Variants in ZC3H4 observed in about 807,000 individuals in gnomAD.
ZC3H4 encodes zinc finger CCCH domain-containing protein 4.
ZC3H4 carries 13 observed loss-of-function variants against 108.3 expected under a neutral mutation model. That is an observed-to-expected ratio of 0.12 (90% CI 0.08 to 0.19). ZC3H4 has a LOEUF of 0.19. Among genes scored for constraint, ZC3H4 ranks in the 10% least tolerant of loss-of-function variants. ZC3H4 has a pLI of 1.00. For synonymous variants in ZC3H4, 917 were observed against 749.6 expected (o/e 1.22, Z -3.65); for missense variants, 1,734 against 1,838.8 (o/e 0.94, Z 1.04).
At chr19:47,106,788 C>A (rs933159497) in intron 2 of ZC3H4, among the ~76,000 whole-genome samples, 2 of 152,172 alleles carry the variant, frequency 1.3e-5, no homozygotes, top group Admixed American at 1.3e-4. Context: ...CTCTTGGGCT[C>A]CAAGAAAAGC....
At chr19:47,100,768 G>A (rs774589651) in intron 2 of ZC3H4, among the ~76,000 whole-genome samples, 1 of 151,890 alleles carries the variant, frequency 6.6e-6, no homozygotes. Flanking sequence ...GCGTGATTTC[G>A]GCTCACTGCA....
chr19:47,084,997 GA>G, intron 8 of ZC3H4, 58 bp downstream of exon 8: 6 of 1,600,848 alleles, frequency 3.7e-6, no homozygotes, highest in African/African-American at 1.3e-5. Context: ...TCATTAAAGG[GA>G]AAAAGGACTA....
rs1335132824 is a variant in ZC3H4 at position 47,085,376 on chromosome 19, A to G, written c.909T>C (p.Tyr303=). The G allele has an allele frequency of 2.5e-6, 4 of 1,601,648 alleles. No individual in the cohort carries two copies. In the African/African-American group the frequency reaches 4.0e-5, roughly 16 times the overall value. The stretch of plus-strand genomic sequence containing the variant: ...GGTTCAGCTCCTTGGAGTACTCGTC[A>G]TAGTCGTCGTCTCCCATTGGCTCCT... ...ESEEPMGDDD[Y]DEYSKELNQY... Residue 303 remains tyrosine (Y), a synonymous_variant, in exon 7 of 15, where the codon TAT becomes TAC. Transcript: ENST00000253048.
rs2057781120 is a variant in ZC3H4 at position 47,094,024 on chromosome 19, G to A, written c.438C>T (p.Ser146=). The A allele has an allele frequency of 6.2e-7, 1 of 1,614,044 alleles. No individual in the cohort carries two copies. Among genetic ancestry groups the A allele is most frequent in the Non-Finnish European group, 8.5e-7 (1 of 1,180,032 alleles). ...ACTTGCGGTGACCTTTCTCACTGGGGCTGAAATCCGAGTCATCTGAGAAGT... is the reference window on the plus strand; with the variant it reads ...ACTTGCGGTGACCTTTCTCACTGGGACTGAAATCCGAGTCATCTGAGAAGT... The part of the protein sequence containing the change: ...FSDFSDDSDF[S]PSEKGHRKYR... Residue 146 remains serine, a synonymous_variant, in exon 4 of 15, where the codon AGC becomes AGT. Coordinates refer to ENST00000253048, the MANE Select transcript of ZC3H4 (RefSeq NM_015168.2).
intron 2 of ZC3H4, chr19:47,110,888 A>G (rs2058030280): frequency 2.0e-6 from 2 of 984,850 alleles, no homozygotes; most frequent in Non-Finnish European, 2.4e-6. Flanking sequence ...ATGTTGTAAA[A>G]GCTCACCAAA....
Position 47,092,422 on chromosome 19 carries a change from C to G in ZC3H4, c.492+1548G>C, listed in dbSNP as rs116130111. Among the ~76,000 whole-genome samples the G allele has an allele frequency of 2.9e-3, 440 of 152,330 alleles. 2 individuals are homozygous for G. The highest frequency in any genetic ancestry group is 0.01 in the African/African-American group (422 of 41,576). On this transcript the variant is annotated intron_variant, in intron 4 of 14. Transcript: ENST00000253048. ...GAAGGCCAAACCTACACCAGTAGAT[C>G]AATCTCAACTATGGTATTGGACAAT...
In ZC3H4 at chr19:47,104,567, A is replaced by G. The variant is rs185606236; in HGVS notation, c.161+7857T>C. Among the ~76,000 whole-genome samples, 241 of 152,338 alleles carry G rather than the reference A, an allele frequency of 1.6e-3. 2 individuals carry two copies. The highest frequency in any genetic ancestry group is 5.3e-3 in the African/African-American group (221 of 41,560). Reference sequence around the variant, plus strand: ...TAGAAACAGTAACTAATTTCCAAGAAAACTTTTTCAGCAACCTGTATCACT... The same window carrying G: ...TAGAAACAGTAACTAATTTCCAAGAGAACTTTTTCAGCAACCTGTATCACT... On this transcript the variant is annotated intron_variant, in intron 2 of 14. Coordinates refer to ENST00000253048, the MANE Select transcript of ZC3H4 (RefSeq NM_015168.2).
In ZC3H4 at chr19:47,064,733, AAAAAAAAAAGAC is replaced by A. The variant is rs1333402929; in HGVS notation, c.*1611_*1622del. 1 of 151,496 alleles carries A rather than the reference AAAAAAAAAAGAC, an allele frequency of 6.6e-6. No homozygotes were observed. The highest frequency in any genetic ancestry group is 2.4e-5 in the African/African-American group (1 of 41,214). 9.4% of individuals were successfully genotyped at this position (151,496 alleles called of 1,614,324 possible). A position where few individuals can be genotyped will look rare whatever the true frequency, so the allele number is the denominator to read the frequency against. ...ATTAATGATTGTGTAAAAAAAAAAAAAAAAAAAAAGACAAAAAGACAAACCAACCAACCAGAT... is the reference window on the plus strand; with the variant it reads ...ATTAATGATTGTGTAAAAAAAAAAAAAAAAAGACAAACCAACCAACCAGAT... On this transcript the variant is annotated 3_prime_UTR_variant, in exon 15 of 15. Transcript: ENST00000253048.
chr19:47,078,992 A>G (rs1600024529), intron 11 of ZC3H4, among the ~76,000 whole-genome samples: 1 of 148,298 alleles, frequency 6.7e-6, no homozygotes, highest in Admixed American at 6.7e-5. Context: ...GCGCCATTGC[A>G]CTCCAGCCTG....
intron 1 of ZC3H4, 39 bp from the exon 2 acceptor site, chr19:47,112,628 T>C: frequency 8.2e-7 from 1 of 1,215,830 alleles, no homozygotes; most frequent in Non-Finnish European, 1.0e-6. Flanking sequence ...GAAAAAGGAC[T>C]GCTTGGGCGT....
chr19:47,099,416 G>A (rs988270766), intron 2 of ZC3H4, among the ~76,000 whole-genome samples: 4 of 150,668 alleles, frequency 2.7e-5, no homozygotes, highest in Admixed American at 6.6e-5. Flanking sequence ...CCAAGATCAC[G>A]CCACTACACT....
intron 5 of ZC3H4, among the ~76,000 whole-genome samples, chr19:47,087,200 C>T (rs775248748): frequency 4.6e-5 from 7 of 151,378 alleles, no homozygotes; most frequent in Admixed American, 6.6e-5. Flanking sequence ...TGCTTGAACC[C>T]GGGAGGCAGA....
In ZC3H4 at chr19:47,067,061, A is replaced by G; in HGVS notation, c.3207T>C (p.Ser1069=). The stretch of plus-strand genomic sequence containing the variant: ...TGGGGGCCTTCCGCACCCGGGGGTC[A>G]CTGGGTTTGTCGCTGGAACCGGGGG... ...SAAPGSSDKP[S]DPRVRKAPTD... Residue 1069 remains serine, a synonymous_variant, in exon 15 of 15, where the codon AGT becomes AGC. Transcript: ENST00000253048. The surrounding 1 kb of genome is among the most constrained non-coding windows in gnomAD (Gnocchi z 6.4). 1.2e-6 allele frequency: 2 copies of G among 1,608,682 alleles called. No individual in the cohort carries two copies. The highest frequency in any genetic ancestry group is 1.7e-5 in the Admixed American group (1 of 59,412).
intron 5 of ZC3H4, among the ~76,000 whole-genome samples, chr19:47,087,993 G>A (rs1475971905): frequency 6.6e-6 from 1 of 151,654 alleles, no homozygotes. Context: ...CTAACATGGT[G>A]AAACCTCATC....
chr19:47,104,716 C>T (rs2057947193), intron 2 of ZC3H4, among the ~76,000 whole-genome samples: 1 of 152,204 alleles, frequency 6.6e-6, no homozygotes, highest in Non-Finnish European at 1.5e-5. Flanking sequence ...ACCCGTGTGG[C>T]CCACAAGCTT....
At chr19:47,077,409 A>G (rs981643146) in intron 11 of ZC3H4, among the ~76,000 whole-genome samples, 1 of 151,186 alleles carries the variant, frequency 6.6e-6, no homozygotes, top group African/African-American at 2.4e-5. Flanking sequence ...CGGAGGTTGC[A>G]GTGAGCCGAG....
At chr19:47,087,596 A>C (rs574711218) in intron 5 of ZC3H4, among the ~76,000 whole-genome samples, 9 of 152,024 alleles carry the variant, frequency 5.9e-5, no homozygotes, top group African/African-American at 1.7e-4. Context: ...ACAAAAAATT[A>C]GGCCAGGCGC....
At chr19:47,101,947 T>C (rs905911363) in intron 2 of ZC3H4, among the ~76,000 whole-genome samples, 1 of 151,262 alleles carries the variant, frequency 6.6e-6, no homozygotes, top group Non-Finnish European at 1.5e-5. Context: ...GGCAGGAGAA[T>C]TGCTTGAACC....
chr19:47,110,856 TAG>T, intron 2 of ZC3H4: 1 of 957,340 alleles, frequency 1.0e-6, no homozygotes, highest in East Asian at 1.2e-4. Flanking sequence ...TACATTTAAT[TAG>T]AACAAAACAG....
Sources: gnomAD v4.1 joint callset for allele counts (sites outside exome capture counted in the v4.1 genomes callset) on GRCh38, gnomAD v4.1.1 for gene constraint, Gnocchi (gnomAD v3.1) non-coding constraint, MANE v1.5 for transcripts, NCBI Gene and HGNC (gene_info 2026-07-23, HGNC 2026-07-21) for gene names.